Variants in ZBTB8B observed in about 807,000 individuals in gnomAD.
ZBTB8B encodes the protein zinc finger and BTB domain-containing protein 8B.
Under a neutral mutation model 30.3 loss-of-function variants are expected in ZBTB8B, and 17 were observed. The observed-to-expected ratio is 0.56, with a 90% CI of 0.38 to 0.84. The LOEUF is 0.84. Among genes scored for constraint, ZBTB8B ranks in the 40% least tolerant of loss-of-function variants. ZBTB8B has a pLI of 0.00. For missense variants in ZBTB8B, 515 were observed against 644.9 expected, an observed-to-expected ratio of 0.80 and a Z score of 2.18; for synonymous variants, 248 against 255.6, an observed-to-expected ratio of 0.97 and a Z score of 0.28.
intron 2 of ZBTB8B, among the ~76,000 whole-genome samples, chr1:32,471,903 TCATCATCACCAGTACTATTCATTAC>T (rs1170797710): frequency 6.8e-6 from 1 of 147,694 alleles, no homozygotes; most frequent in Non-Finnish European, 1.5e-5. Flanking sequence ...ATCATCACTA[TCATCATCACCAGTACTATTCATTAC>T]CATCATCACC....
rs923897195 is a variant in ZBTB8B, at chr1:32,471,478, T to C, written c.854T>C (p.Leu285Ser). The change falls in exon 2 of 4, where the codon TTG (leucine) becomes TCG (serine). Residue 285 changes from leucine (L) to serine (S), a missense_variant. Around this residue, in one of 3 missense-constraint regions of ZBTB8B, gnomAD observed 429 missense variants for 504.3 expected, o/e 0.85. Transcript: ENST00000609129. ...GTGAAGCAGTTCCTGGAGGCGCTCT[T>C]GCGCAACAGCGCTGCCCCGAGCAAG... ...YHVKQFLEAL[L>S]RNSAAPSKDD... 2 of 1,551,826 alleles carry C rather than the reference T, an allele frequency of 1.3e-6. No homozygotes were observed. Among genetic ancestry groups the C allele is most frequent in the Non-Finnish European group, 1.7e-6 (2 of 1,147,016 alleles).
chr1:32,469,501 C>A (rs935206003), intron 1 of ZBTB8B, among the ~76,000 whole-genome samples: 1 of 152,030 alleles, frequency 6.6e-6, no homozygotes, highest in Non-Finnish European at 1.5e-5. Context: ...CTGATCTGCC[C>A]GCCTCAGCCT....
In ZBTB8B at chr1:32,496,586, A is replaced by G. The variant is rs964425767; in HGVS notation, c.*11168A>G. 2.0e-5 allele frequency: 3 copies of G among 152,202 alleles called. No homozygotes were observed. The highest frequency in any genetic ancestry group is 7.2e-5 in the African/African-American group (3 of 41,440). 9.4% of individuals were successfully genotyped at this position (152,202 alleles called of 1,614,324 possible). A position where few individuals can be genotyped will look rare whatever the true frequency, so the allele number is the denominator to read the frequency against. On this transcript the variant is annotated 3_prime_UTR_variant, in exon 4 of 4. Transcript: ENST00000609129. ...GTGGTAATGTACCAGGTCTGTTTAT[A>G]TAGGTCAGTGTTGCCCAGGTTGTAT...
rs1274254632 is a variant in ZBTB8B at position 32,491,496 on chromosome 1, A to G, written c.*6078A>G. On this transcript the variant is annotated 3_prime_UTR_variant, in exon 4 of 4. Transcript: ENST00000609129. ...AAGCACTGCTTACTAGCAAGGCAGA[A>G]CCAGTTGCTCTTCTCTGAAAGTCTC... 6.6e-6 allele frequency: 1 copy of G among 152,244 alleles called. No homozygotes were observed. Among genetic ancestry groups the G allele is most frequent in the East Asian group, 1.9e-4 (1 of 5,200 alleles). 9.4% of individuals were successfully genotyped at this position (152,244 alleles called of 1,614,324 possible).
At chr1:32,473,598 G>A (rs557717585) in intron 2 of ZBTB8B, among the ~76,000 whole-genome samples, 1 of 144,408 alleles carries the variant, frequency 6.9e-6, no homozygotes, top group East Asian at 2.1e-4. Flanking sequence ...CTGCAGCCTC[G>A]ACCTCCCGAG....
chr1:32,470,538 T>C (rs1643608817), intron 1 of ZBTB8B, 46 bp from the exon 2 acceptor site: 1 of 1,232,806 alleles, frequency 8.1e-7, no homozygotes, highest in Admixed American at 3.0e-5. Context: ...AAATCTTGTT[T>C]GTAAAGGTTG....
Position 32,471,062 on chromosome 1 carries a change from A to G in ZBTB8B, c.438A>G (p.Ala146=), listed in dbSNP as rs1156454795. 15 of 1,544,550 alleles carry G rather than the reference A, an allele frequency of 9.7e-6. No individual in the cohort carries two copies. The highest frequency in any genetic ancestry group is 2.0e-5 in the Admixed American group (1 of 50,902). The change falls in exon 2 of 4, where the codon GCA becomes GCG. Residue 146 remains alanine (A), a synonymous_variant. Transcript: ENST00000609129. The part of the protein sequence containing the change: ...AAVAAAAAAA[A]AAAAAAAHQV... ...TGGCGGCGGCAGCGGCGGCGGCTGC[A>G]GCGGCGGCAGCAGCGGCGGCTCATC...
chr1:32,468,563 C>T (rs1449292887), intron 1 of ZBTB8B, among the ~76,000 whole-genome samples: 3 of 152,060 alleles, frequency 2.0e-5, no homozygotes, highest in Admixed American at 6.6e-5. Context: ...CGAAAAAAGG[C>T]ACTAGAACCA....
chr1:32,485,584 T>C lies in ZBTB8B; in HGVS notation c.*166T>C, dbSNP rs191237166. ...TCTGATAGAGGTTGGATTTTGTGAC[T>C]CAAAGGACAGATAACCTTTTTGTGT... is the stretch of plus-strand genomic sequence containing the variant. On this transcript the variant is annotated 3_prime_UTR_variant, in exon 4 of 4. Transcript: ENST00000609129. The C allele has an allele frequency of 3.3e-5, 24 of 734,606 alleles. No individual in the cohort carries two copies. In the Admixed American group the frequency reaches 5.3e-4, roughly 16 times the overall value. The allele number at this position is 734,606 out of a possible 1,614,324, so 45.5% of individuals were successfully genotyped here.
At chr1:32,471,747 C>T (rs1643623012) in intron 2 of ZBTB8B, 132 bp downstream of exon 2, 3 of 1,003,838 alleles carry the variant, frequency 3.0e-6, no homozygotes, top group South Asian at 3.4e-5. Flanking sequence ...ACCATCATCA[C>T]CAGTACCATC....
Position 32,482,198 on chromosome 1 carries a change from C to A in ZBTB8B, c.1170+1129C>A, listed in dbSNP as rs577847793. Among the ~76,000 whole-genome samples the A allele has an allele frequency of 1.2e-3, 188 of 152,018 alleles. 1 individual carries two copies. The highest frequency in any genetic ancestry group is 4.4e-3 in the African/African-American group (181 of 41,476). On this transcript the variant is annotated intron_variant, in intron 3 of 3. Coordinates refer to ENST00000609129, the MANE Select transcript of ZBTB8B (RefSeq NM_001145720.2). Reference sequence around the variant, plus strand: ...TTTTTTTGTAGAGACAGGGTTTTTCCAGGTTGCCCAGGCTGGTCTTGAACT... The same window carrying A: ...TTTTTTTGTAGAGACAGGGTTTTTCAAGGTTGCCCAGGCTGGTCTTGAACT...
intron 2 of ZBTB8B, among the ~76,000 whole-genome samples, chr1:32,475,934 C>G (rs1211329634): frequency 6.6e-6 from 1 of 151,274 alleles, no homozygotes; most frequent in Non-Finnish European, 1.5e-5. Flanking sequence ...TTTCCTGCCT[C>G]AGCCTCCCAA....
At position 32,492,658 on chromosome 1, in the gene ZBTB8B, T is replaced by C. The variant is rs1643787399; in HGVS notation, c.*7240T>C. ...TGGTGCTACTCTTGCCTGCTTCTGT[T>C]GCTCCCAGCAGATCAATGAGTGAAG... On this transcript the variant is annotated 3_prime_UTR_variant, in exon 4 of 4. Coordinates refer to ENST00000609129, the MANE Select transcript of ZBTB8B (RefSeq NM_001145720.2). 6.6e-6 allele frequency: 1 copy of C among 152,266 alleles called. No homozygotes were observed. The highest frequency in any genetic ancestry group is 2.1e-4 in the South Asian group (1 of 4,832). 9.4% of individuals were successfully genotyped at this position (152,266 alleles called of 1,614,324 possible).
At position 32,487,419 on chromosome 1, in the gene ZBTB8B, A is replaced by C. The variant is rs1643753665; in HGVS notation, c.*2001A>C. 6.6e-6 allele frequency: 1 copy of C among 152,272 alleles called. No individual in the cohort carries two copies. The highest frequency in any genetic ancestry group is 6.5e-5 in the Admixed American group (1 of 15,282). 9.4% of individuals were successfully genotyped at this position (152,272 alleles called of 1,614,324 possible). A position where few individuals can be genotyped will look rare whatever the true frequency, so the allele number is the denominator to read the frequency against. The stretch of plus-strand genomic sequence containing the variant: ...TGTCTTCTTGAGTGAGGTATGGACC[A>C]GTTCAGTTCTGGTCAGCTAGAGGGC... On this transcript the variant is annotated 3_prime_UTR_variant, in exon 4 of 4. Coordinates refer to ENST00000609129, the MANE Select transcript of ZBTB8B (RefSeq NM_001145720.2).
Position 32,487,945 on chromosome 1 carries a change from A to G in ZBTB8B, c.*2527A>G, listed in dbSNP as rs1040316220. On this transcript the variant is annotated 3_prime_UTR_variant, in exon 4 of 4. Transcript: ENST00000609129. Reference sequence around the variant, plus strand: ...GATATTTGTCTTATCTGAAATAAAAATACTAGCTGTGGCCAGGCGCAGTGG... The same window carrying G: ...GATATTTGTCTTATCTGAAATAAAAGTACTAGCTGTGGCCAGGCGCAGTGG... 3.9e-5 allele frequency: 6 copies of G among 151,958 alleles called. No individual in the cohort carries two copies. The highest frequency in any genetic ancestry group is 1.5e-4 in the African/African-American group (6 of 41,364). 9.4% of individuals were successfully genotyped at this position (151,958 alleles called of 1,614,324 possible). A position where few individuals can be genotyped will look rare whatever the true frequency, so the allele number is the denominator to read the frequency against.
intron 2 of ZBTB8B, among the ~76,000 whole-genome samples, chr1:32,474,147 G>A (rs1007599453): frequency 2.0e-5 from 3 of 151,460 alleles, no homozygotes; most frequent in African/African-American, 7.3e-5. Context: ...CACTATGCCC[G>A]GCTTCAAATT....
intron 2 of ZBTB8B, among the ~76,000 whole-genome samples, chr1:32,475,748 A>G (rs1643660325): frequency 6.6e-6 from 1 of 152,002 alleles, no homozygotes; most frequent in Non-Finnish European, 1.5e-5. Flanking sequence ...ATCTGAAGGT[A>G]AGAAGAGGGG....
Position 32,486,307 on chromosome 1 carries a change from A to T in ZBTB8B, c.*889A>T, listed in dbSNP as rs1048814785. On this transcript the variant is annotated 3_prime_UTR_variant, in exon 4 of 4. Coordinates refer to ENST00000609129, the MANE Select transcript of ZBTB8B (RefSeq NM_001145720.2). ...CTGATGTAGGGCAGGTGAGCCCAAA[A>T]ATTGGGGCTTAGCCCAGAGGAGTTC... is the stretch of plus-strand genomic sequence containing the variant. The T allele has an allele frequency of 1.3e-5, 2 of 152,228 alleles. No homozygotes were observed. The highest frequency in any genetic ancestry group is 2.9e-5 in the Non-Finnish European group (2 of 68,052). 9.4% of individuals were successfully genotyped at this position (152,228 alleles called of 1,614,324 possible).
rs1291632118 is a variant in ZBTB8B, at chr1:32,471,493, C to T, written c.869C>T (p.Ala290Val). The stretch of plus-strand genomic sequence containing the variant: ...GAGGCGCTCTTGCGCAACAGCGCTG[C>T]CCCGAGCAAGGATGATGCAGACCAT... Reference protein sequence around the residue: ...FLEALLRNSAAPSKDDADHHF... With the variant: ...FLEALLRNSAVPSKDDADHHF... Residue 290 changes from alanine to valine, a missense_variant, in exon 2 of 4, where the codon GCC (alanine) becomes GTC (valine). Ala to Val is a moderately conservative substitution (Grantham distance 64). This residue lies in a region of ZBTB8B where 429 missense variants were observed against 504.3 expected (regional missense o/e 0.85). Transcript: ENST00000609129. The T allele has an allele frequency of 6.4e-7, 1 of 1,551,684 alleles. No individual in the cohort carries two copies. Among genetic ancestry groups the T allele is most frequent in the African/African-American group, 1.4e-5 (1 of 73,066 alleles).
Sources: gnomAD v4.1 joint callset for allele counts (sites outside exome capture counted in the v4.1 genomes callset) on GRCh38, gnomAD v4.1.1 for gene constraint, gnomAD v4.1.1 regional missense constraint, MANE v1.5 for transcripts, NCBI Gene and HGNC (gene_info 2026-07-23, HGNC 2026-07-21) for gene names.